The following SCRN1 variants were observed in gnomAD, a reference collection of about 807,000 sequenced individuals.
The protein encoded by SCRN1 is secernin 1, also known as secernin-1.
Under a neutral mutation model 43.3 loss-of-function variants are expected in SCRN1, and 19 were observed. The ratio of observed to expected loss-of-function variants is 0.44; its 90% CI spans 0.31 to 0.64. SCRN1 has a LOEUF of 0.64. Among genes scored for constraint, SCRN1 ranks in the 30% least tolerant of loss-of-function variants. The pLI is 0.09. For synonymous variants in SCRN1, 183 were observed against 188.9 expected, an observed-to-expected ratio of 0.97 and a Z score of 0.26; for missense variants, 447 against 524.1, an observed-to-expected ratio of 0.85 and a Z score of 1.44.
At chr7:29,941,532 GTA>G (rs1230871165) in intron 4 of SCRN1, among the ~76,000 whole-genome samples, 2 of 152,060 alleles carry the variant, frequency 1.3e-5, no homozygotes, top group Non-Finnish European at 2.9e-5. Context: ...ATATGTCTGG[GTA>G]TGTGTGTGTG....
upstream of SCRN1, chr7:29,989,990 C>T: frequency 1.5e-6 from 2 of 1,371,836 alleles, no homozygotes; most frequent in Non-Finnish European, 1.9e-6. Context: ...GCCGAGAGGG[C>T]GTATCTCGCC....
intron 4 of SCRN1, among the ~76,000 whole-genome samples, chr7:29,942,996 G>C (rs201316020): frequency 7.9e-5 from 12 of 152,236 alleles, no homozygotes; most frequent in African/African-American, 2.9e-4. Context: ...TCTAACTCGG[G>C]TCAAATTTGG....
intron 4 of SCRN1, among the ~76,000 whole-genome samples, chr7:29,943,633 G>C (rs1166612006): frequency 6.6e-6 from 1 of 152,128 alleles, no homozygotes; most frequent in Non-Finnish European, 1.5e-5. Flanking sequence ...TCCAGTGAAG[G>C]GACTTGTTGA....
intron 7 of SCRN1, among the ~76,000 whole-genome samples, chr7:29,925,345 CTT>C (rs1406575644): frequency 6.6e-6 from 1 of 152,188 alleles, no homozygotes; most frequent in African/African-American, 2.4e-5. Flanking sequence ...GGATTTTTCT[CTT>C]GATATCCTTT....
chr7:29,981,730 G>A (rs1459336730), intron 1 of SCRN1, among the ~76,000 whole-genome samples: 1 of 152,136 alleles, frequency 6.6e-6, no homozygotes, highest in Non-Finnish European at 1.5e-5. Flanking sequence ...GAGGAAGGGA[G>A]GACAGCTAGA....
At chr7:29,964,951 AATAT>A (rs140642496) in intron 2 of SCRN1, among the ~76,000 whole-genome samples, 1 of 147,780 alleles carries the variant, frequency 6.8e-6, no homozygotes, top group African/African-American at 2.5e-5. Context: ...CAAAAAACAA[AATAT>A]ATATATATAT....
In SCRN1 at chr7:29,936,716, T is replaced by C. The variant is rs546394546; in HGVS notation, c.745A>G (p.Ile249Val). The C allele has an allele frequency of 5.2e-6, 8 of 1,534,696 alleles. No individual in the cohort carries two copies. Among genetic ancestry groups the C allele is most frequent in the Middle Eastern group, 1.7e-4 (1 of 5,718 alleles). ...GTGTTCATCATAGTCTGCACTGTGA[T>C]GCTTTCTGCAAAAACACAAAAGACA... ...KDSLEKQEES[I>V]TVQTMMNTLR... The change falls in exon 6 of 8, where the codon ATC becomes GTC. Residue 249 changes from isoleucine (I) to valine (V), a missense_variant. Ile to Val is a conservative substitution (Grantham distance 29). Transcript: ENST00000242059.
At position 29,924,135 on chromosome 7, in the gene SCRN1, C is replaced by T. The variant is rs773996408; in HGVS notation, c.1087-20G>A. On this transcript the variant is annotated intron_variant, in intron 7 of 7. Coordinates refer to ENST00000242059, the MANE Select transcript of SCRN1 (RefSeq NM_014766.5). ...TTGCTCCTGAGGAAGGACACGACTG[C>T]TTTAGGTGTCAGCAAAATAGCAGGG... is the stretch of plus-strand genomic sequence containing the variant. The T allele has an allele frequency of 1.4e-5, 23 of 1,597,890 alleles. No homozygotes were observed. Among genetic ancestry groups the T allele is most frequent in the Non-Finnish European group, 1.8e-5 (21 of 1,173,982 alleles).
At chr7:29,955,939 T>C (rs929098064) in intron 2 of SCRN1, among the ~76,000 whole-genome samples, 1 of 152,192 alleles carries the variant, frequency 6.6e-6, no homozygotes, top group African/African-American at 2.4e-5. Flanking sequence ...CCTGTCCCAT[T>C]TGATCCTCAC....
intron 3 of SCRN1, among the ~76,000 whole-genome samples, chr7:29,949,171 C>T (rs566945578): frequency 3.3e-5 from 5 of 151,514 alleles, no homozygotes; most frequent in South Asian, 2.1e-4. Context: ...AAAAATTAGC[C>T]GGGCATGGTG....
chr7:29,971,275 T>C (rs1788658007), intron 1 of SCRN1, among the ~76,000 whole-genome samples: 1 of 152,174 alleles, frequency 6.6e-6, no homozygotes, highest in African/African-American at 2.4e-5. Context: ...TTTATCAGAG[T>C]ATCAAATAAA....
At chr7:29,970,286 C>T (rs545786216) in intron 1 of SCRN1, among the ~76,000 whole-genome samples, 12 of 152,292 alleles carry the variant, frequency 7.9e-5, no homozygotes, top group East Asian at 5.8e-4. Flanking sequence ...CTCACAATGC[C>T]GGCACACAGG....
chr7:29,943,615 A>T (rs1464297652), intron 4 of SCRN1, among the ~76,000 whole-genome samples: 7 of 152,184 alleles, frequency 4.6e-5, no homozygotes, highest in Non-Finnish European at 8.8e-5. Context: ...GGTGACAAGG[A>T]GCTACTGTCC....
intron 3 of SCRN1, 51 bp downstream of exon 3, chr7:29,955,128 C>T: frequency 6.6e-6 from 10 of 1,521,596 alleles, no homozygotes; most frequent in Non-Finnish European, 9.0e-6. Flanking sequence ...AATCCTGTCC[C>T]CATTTCCAAC....
intron 2 of SCRN1, among the ~76,000 whole-genome samples, chr7:29,966,159 C>CAGAGAGAGAGAAAGAGAGAGAGAG (rs1788485070): frequency 4.7e-5 from 4 of 84,406 alleles, no homozygotes; most frequent in African/African-American, 2.0e-4. Flanking sequence ...GACCGAGAGA[C>CAGAGAGAGAGAAAGAGAGAGAGAG]AGAGAGAGAG....
Position 29,969,038 on chromosome 7 carries a change from A to G in SCRN1, c.30T>C (p.Phe10=), listed in dbSNP as rs1458998262. 6.2e-7 allele frequency: 1 copy of G among 1,613,868 alleles called. No homozygotes were observed. The highest frequency in any genetic ancestry group is 1.3e-5 in the African/African-American group (1 of 74,906). ...CCTTAGCACGTGGAGGGAAGGCAAC[A>G]AAACAGTAACTTGGAGGAGCTGCAG... is the stretch of plus-strand genomic sequence containing the variant. MAAAPPSYC[F]VAFPPRAKDG... The change falls in exon 2 of 8, where the codon TTT becomes TTC. Residue 10 remains phenylalanine (F), a synonymous_variant. Coordinates refer to ENST00000242059, the MANE Select transcript of SCRN1 (RefSeq NM_014766.5).
intron 1 of SCRN1, among the ~76,000 whole-genome samples, chr7:29,980,840 T>C (rs889702350): frequency 2.6e-5 from 4 of 152,200 alleles, no homozygotes; most frequent in African/African-American, 9.6e-5. Context: ...TGTATATGTA[T>C]ATACCTATAT....
At chr7:29,980,104 T>C (rs1032114286) in intron 1 of SCRN1, among the ~76,000 whole-genome samples, 1 of 152,192 alleles carries the variant, frequency 6.6e-6, no homozygotes, top group African/African-American at 2.4e-5. Flanking sequence ...AATGGGGCCA[T>C]GTCAACCATG....
intron 5 of SCRN1, among the ~76,000 whole-genome samples, chr7:29,938,763 G>T (rs1169872844): frequency 6.6e-6 from 1 of 152,086 alleles, no homozygotes; most frequent in Non-Finnish European, 1.5e-5. Flanking sequence ...CTTATCACTG[G>T]CTTGCTGTCA....
Sources: gnomAD v4.1 joint callset for allele counts (sites outside exome capture counted in the v4.1 genomes callset) on GRCh38, gnomAD v4.1.1 for gene constraint, MANE v1.5 for transcripts, NCBI Gene and HGNC (gene_info 2026-07-23, HGNC 2026-07-21) for gene names.